The following ESR1 variants were observed in gnomAD, a reference collection of about 807,000 sequenced individuals.
ESR1 encodes the protein estrogen receptor.
A neutral mutation model predicts 52.7 loss-of-function variants in ESR1; 12 were observed. The ratio of observed to expected loss-of-function variants is 0.23; its 90% CI spans 0.15 to 0.37. ESR1 has a LOEUF of 0.37. Ranked by LOEUF, ESR1 falls within the 10% of genes least tolerant of loss-of-function variation. The pLI is 1.00. For synonymous variants in ESR1, 305 were observed against 316.8 expected, an observed-to-expected ratio of 0.96 and a Z score of 0.39; for missense variants, 584 against 779.7, an observed-to-expected ratio of 0.75 and a Z score of 2.99.
chr6:151,764,980 C>G (rs1461424684), intron 2 of ESR1, among the ~76,000 whole-genome samples: 1 of 152,168 alleles, frequency 6.6e-6, no homozygotes, highest in Non-Finnish European at 1.5e-5. Context: ...CAACAGAAAT[C>G]TGTCAGCCAC....
chr6:151,948,214 T>A (rs1287777922), intron 4 of ESR1, among the ~76,000 whole-genome samples: 2 of 152,096 alleles, frequency 1.3e-5, no homozygotes, highest in Non-Finnish European at 2.9e-5. Flanking sequence ...CATCTGAGTT[T>A]TTTTCCCCAG....
At chr6:151,680,291 C>T (rs1778408593) in intron 1 of ESR1, among the ~76,000 whole-genome samples, 2 of 151,382 alleles carry the variant, frequency 1.3e-5, no homozygotes, top group Admixed American at 6.6e-5. Context: ...GCAATCTCCA[C>T]CTTCCAGGTT....
At chr6:151,816,929 A>G (rs1197991725) in intron 1 of ESR1, among the ~76,000 whole-genome samples, 1 of 152,180 alleles carries the variant, frequency 6.6e-6, no homozygotes, top group East Asian at 1.9e-4. Flanking sequence ...AAAATTAATC[A>G]ATCAATAAAA....
intron 6 of ESR1, among the ~76,000 whole-genome samples, chr6:152,111,182 G>C (rs2813545): frequency 0.22 from 34,032 of 152,084 alleles, 3,884 homozygotes; most frequent in African/African-American, 0.26. Flanking sequence ...CACAGTGAAA[G>C]CACTTGGCAT....
chr6:152,098,879 C>G lies in ESR1; in HGVS notation c.1701C>G (p.His567Gln). 6.2e-7 allele frequency: 1 copy of G among 1,614,234 alleles called. No homozygotes were observed. The highest frequency in any genetic ancestry group is 8.5e-7 in the Non-Finnish European group (1 of 1,180,048). ...CCGTGGAGGAGACGGACCAAAGCCA[C>G]TTGGCCACTGCGGGCTCTACTTCAT... Reference protein sequence around the residue: ...GASVEETDQSHLATAGSTSSH... With the variant: ...GASVEETDQSQLATAGSTSSH... Residue 567 changes from histidine (H) to glutamine (Q), a missense_variant, in exon 8 of 8, where the codon CAC (histidine) becomes CAG (glutamine). Transcript: ENST00000206249. This position sits in a 1 kb window ranked among gnomAD's most constrained non-coding sequence, Gnocchi z 5.1.
chr6:151,834,640 T>C (rs1475941907), intron 1 of ESR1, among the ~76,000 whole-genome samples: 1 of 151,998 alleles, frequency 6.6e-6, no homozygotes, highest in African/African-American at 2.4e-5. Context: ...ATGGCACGTG[T>C]ATACCTATGT....
At chr6:152,008,784 C>T (rs1013313661) in intron 4 of ESR1, among the ~76,000 whole-genome samples, 3 of 151,432 alleles carry the variant, frequency 2.0e-5, no homozygotes, top group Non-Finnish European at 3.0e-5. Flanking sequence ...GACAAAGCCT[C>T]CCTTTTGAAT....
intron 1 of ESR1, among the ~76,000 whole-genome samples, chr6:151,835,812 T>A (rs938909575): frequency 5.5e-5 from 8 of 144,896 alleles, no homozygotes. Context: ...TTTTTTTTTT[T>A]AACTTGAGTT....
Position 152,069,484 on chromosome 6 carries a change from T to A in ESR1, c.1369+8360T>A, listed in dbSNP as rs1413818073. On this transcript the variant is annotated intron_variant, in intron 6 of 7. Coordinates refer to ENST00000206249, the MANE Select transcript of ESR1 (RefSeq NM_000125.4). ...CAGGGGCTACGTGACTTTGAAGTGT[T>A]AAGTGGCTGTCAGAAAGTGAGCTAT... Among the ~76,000 whole-genome samples the A allele has an allele frequency of 1.5e-5, 2 of 136,286 alleles. 1 individual carries two copies. The highest frequency in any genetic ancestry group is 6.6e-5 in the African/African-American group (2 of 30,438). The allele number at this position is 136,286 out of a possible 152,430, so 89.4% of individuals were successfully genotyped here. A position where few individuals can be genotyped will look rare whatever the true frequency, so the allele number is the denominator to read the frequency against.
intron 4 of ESR1, among the ~76,000 whole-genome samples, chr6:151,969,339 G>C (rs73628444): frequency 0.083 from 12,584 of 152,218 alleles, 1,436 homozygotes; most frequent in African/African-American, 0.26. Context: ...CTATAAACCT[G>C]TAATCAAAAA....
chr6:151,797,070 T>G (rs2128138078), intron 2 of ESR1, among the ~76,000 whole-genome samples: 1 of 152,358 alleles, frequency 6.6e-6, no homozygotes, highest in African/African-American at 2.4e-5. Flanking sequence ...GAGTTTCTAC[T>G]GTAATTCCTT....
intron 1 of ESR1, among the ~76,000 whole-genome samples, chr6:151,664,864 A>C (rs537822901): frequency 7.9e-5 from 12 of 152,196 alleles, no homozygotes; most frequent in Non-Finnish European, 1.5e-4. Context: ...TCCTGAATTG[A>C]GAACGAGGTA....
chr6:151,815,096 G>A (rs1476241036), intron 1 of ESR1, among the ~76,000 whole-genome samples: 1 of 152,172 alleles, frequency 6.6e-6, no homozygotes, highest in African/African-American at 2.4e-5. Flanking sequence ...CGGGAGTGGG[G>A]TAACAGTTTC....
upstream of ESR1, among the ~76,000 whole-genome samples, chr6:151,803,500 A>G (rs776214775): frequency 1.3e-5 from 2 of 152,116 alleles, no homozygotes; most frequent in Non-Finnish European, 2.9e-5. Flanking sequence ...ACTAGGAAGG[A>G]TCGTTATGGG....
intron 4 of ESR1, among the ~76,000 whole-genome samples, chr6:151,970,330 A>ATAG (rs1330892526): frequency 5.3e-5 from 8 of 152,036 alleles, no homozygotes; most frequent in Non-Finnish European, 1.2e-4. Flanking sequence ...AGCATACAAG[A>ATAG]CAGCATCTCT....
chr6:151,857,492 CCCA>C (rs1562483549), intron 2 of ESR1, among the ~76,000 whole-genome samples: 3 of 143,414 alleles, frequency 2.1e-5, no homozygotes, highest in African/African-American at 8.8e-5. Flanking sequence ...CACCCACCCA[CCCA>C]CACACACACA....
At chr6:152,055,682 A>G (rs2047041123) in intron 5 of ESR1, among the ~76,000 whole-genome samples, 1 of 152,114 alleles carries the variant, frequency 6.6e-6, no homozygotes, top group Non-Finnish European at 1.5e-5. Flanking sequence ...CTTTCTCGCA[A>G]CACCTTACTA....
chr6:151,827,858 G>A (rs1781767796), intron 1 of ESR1, among the ~76,000 whole-genome samples: 1 of 152,136 alleles, frequency 6.6e-6, no homozygotes, highest in Non-Finnish European at 1.5e-5. Flanking sequence ...GCACTTCAAA[G>A]CAGGTTTTAA....
intron 4 of ESR1, among the ~76,000 whole-genome samples, chr6:151,953,109 G>A (rs2036499588): frequency 6.6e-6 from 1 of 152,094 alleles, no homozygotes; most frequent in Admixed American, 6.5e-5. Context: ...AAACCACAAG[G>A]CCTCTCCAAG....
Sources: gnomAD v4.1 joint callset for allele counts (sites outside exome capture counted in the v4.1 genomes callset) on GRCh38, gnomAD v4.1.1 for gene constraint, Gnocchi (gnomAD v3.1) non-coding constraint, MANE v1.5 for transcripts, NCBI Gene and HGNC (gene_info 2026-07-23, HGNC 2026-07-21) for gene names.